GNAL: variants seen among roughly 807,000 people sequenced by gnomAD.
GNAL encodes the protein G protein subunit alpha L, also known as guanine nucleotide-binding protein G(olf) subunit alpha.
Under a neutral mutation model 55.1 loss-of-function variants are expected in GNAL, and 18 were observed. That is an observed-to-expected ratio of 0.33 (90% CI 0.23 to 0.48). The LOEUF is 0.48. GNAL is among the 20% of genes least tolerant of loss of function. GNAL has a pLI of 0.99. For missense variants in GNAL, 412 were observed against 614.1 expected, an observed-to-expected ratio of 0.67 and a Z score of 3.48; for synonymous variants, 253 against 237.0, an observed-to-expected ratio of 1.07 and a Z score of -0.62.
chr18:11,728,722 T>A (rs1381398757), intron 1 of GNAL, among the ~76,000 whole-genome samples: 1 of 152,218 alleles, frequency 6.6e-6, no homozygotes. Flanking sequence ...TTTTATTTTC[T>A]TACAGTGATG....
At chr18:11,806,502 C>T (rs1353840079) in intron 4 of GNAL, among the ~76,000 whole-genome samples, 1 of 152,146 alleles carries the variant, frequency 6.6e-6, no homozygotes, top group Non-Finnish European at 1.5e-5. Context: ...TGTAATCCAT[C>T]TTCAGTCGAT....
chr18:11,693,451 A>G (rs1412776747), intron 1 of GNAL, among the ~76,000 whole-genome samples: 6 of 152,216 alleles, frequency 3.9e-5, no homozygotes, highest in African/African-American at 1.4e-4. Flanking sequence ...ATACTGTTAC[A>G]TGAGGTTGAC....
chr18:11,845,785 GAGAA>G (rs965358796), intron 5 of GNAL, among the ~76,000 whole-genome samples: 4 of 148,956 alleles, frequency 2.7e-5, no homozygotes, highest in African/African-American at 9.8e-5. Context: ...GAGAGAGAGA[GAGAA>G]AGAGAGAGGG....
At chr18:11,750,881 G>A (rs919550998) in intron 1 of GNAL, among the ~76,000 whole-genome samples, 8 of 152,110 alleles carry the variant, frequency 5.3e-5, no homozygotes, top group Admixed American at 6.5e-5. Flanking sequence ...GAAACCAGCC[G>A]GTAGCAGGAG....
At chr18:11,851,442 A>G (rs551906243) in intron 5 of GNAL, 3 of 1,456,682 alleles carry the variant, frequency 2.1e-6, no homozygotes, top group East Asian at 4.9e-5. Flanking sequence ...CCGGGAGCGG[A>G]CTTACCTTAC....
chr18:11,881,636 C>T lies in GNAL; in HGVS notation c.*501C>T, dbSNP rs2036696509. 1 of 153,088 alleles carries T rather than the reference C, an allele frequency of 6.5e-6. No homozygotes were observed. Among genetic ancestry groups the T allele is most frequent in the African/African-American group, 2.4e-5 (1 of 41,456 alleles). The allele number at this position is 153,088 out of a possible 1,614,324, so 9.5% of individuals were successfully genotyped here. On this transcript the variant is annotated 3_prime_UTR_variant, in exon 12 of 12. Transcript: ENST00000334049. This position sits in a 1 kb window ranked among gnomAD's most constrained non-coding sequence, Gnocchi z 4.8. ...GAGTCGACCCCAAGCGACAGAGTGA[C>T]CAGAAACCCTTTTACAGTCACATTC...
At chr18:11,749,809 G>A (rs2143071200) in intron 1 of GNAL, among the ~76,000 whole-genome samples, 1 of 152,296 alleles carries the variant, frequency 6.6e-6, no homozygotes, top group East Asian at 1.9e-4. Flanking sequence ...AGAGTCCCCA[G>A]GTATTCCCAA....
chr18:11,876,838 AGC>A, intron 11 of GNAL, 150 bp downstream of exon 11: 2 of 646,272 alleles, frequency 3.1e-6, no homozygotes, highest in Non-Finnish European at 5.6e-6. Context: ...TTCACAGCTG[AGC>A]ACACCGAGGT....
At chr18:11,832,053 AAAC>A (rs1233018163) in intron 5 of GNAL, among the ~76,000 whole-genome samples, 1 of 152,250 alleles carries the variant, frequency 6.6e-6, no homozygotes, top group East Asian at 1.9e-4. Flanking sequence ...GAAAATTTAA[AAAC>A]AACCTCTACT....
chr18:11,805,485 A>C (rs1274411591), intron 4 of GNAL, among the ~76,000 whole-genome samples: 1 of 151,938 alleles, frequency 6.6e-6, no homozygotes, highest in Non-Finnish European at 1.5e-5. Flanking sequence ...CCATTAAGTA[A>C]TTTTTCATCA....
At chr18:11,764,328 A>G (rs1480617247) in intron 4 of GNAL, among the ~76,000 whole-genome samples, 1 of 151,952 alleles carries the variant, frequency 6.6e-6, no homozygotes, top group East Asian at 1.9e-4. Context: ...GCTGGTCTCA[A>G]ACTCCCAACC....
chr18:11,726,708 C>T (rs2032219725), intron 1 of GNAL, among the ~76,000 whole-genome samples: 2 of 152,286 alleles, frequency 1.3e-5, no homozygotes, highest in East Asian at 1.9e-4. Flanking sequence ...CCCTCCCATG[C>T]CTGAATCAAC....
At chr18:11,718,628 G>T (rs1471897738) in intron 1 of GNAL, among the ~76,000 whole-genome samples, 1 of 152,090 alleles carries the variant, frequency 6.6e-6, no homozygotes, top group Non-Finnish European at 1.5e-5. Flanking sequence ...TATCTACTTT[G>T]AAATAATGAT....
At chr18:11,872,536 C>T (rs1484358610) in intron 10 of GNAL, 138 bp downstream of exon 10, 2 of 604,610 alleles carry the variant, frequency 3.3e-6, no homozygotes, top group Non-Finnish European at 5.7e-6. Flanking sequence ...CTGCCCATAT[C>T]CTAAAGTATT....
chr18:11,842,354 T>C (rs1346837082), intron 5 of GNAL, among the ~76,000 whole-genome samples: 1 of 152,156 alleles, frequency 6.6e-6, no homozygotes, highest in African/African-American at 2.4e-5. Context: ...ACTGGTTTCG[T>C]GGAAAACTAT....
At chr18:11,721,150 G>C (rs896828470) in intron 1 of GNAL, among the ~76,000 whole-genome samples, 1 of 152,172 alleles carries the variant, frequency 6.6e-6, no homozygotes, top group African/African-American at 2.4e-5. Context: ...GCTAAGTCAG[G>C]ATACTCAGCT....
intron 4 of GNAL, among the ~76,000 whole-genome samples, chr18:11,767,792 C>T (rs1401389155): frequency 6.6e-6 from 1 of 152,244 alleles, no homozygotes; most frequent in Non-Finnish European, 1.5e-5. Flanking sequence ...CCAGGTCTTG[C>T]TCTTACCATC....
chr18:11,696,675 C>A (rs545381865), intron 1 of GNAL, among the ~76,000 whole-genome samples: 48 of 152,270 alleles, frequency 3.2e-4, no homozygotes, highest in Non-Finnish European at 6.5e-4. Context: ...AGCCTAATTT[C>A]ATCCCAGGGA....
At chr18:11,694,330 T>C (rs2143289102) in intron 1 of GNAL, among the ~76,000 whole-genome samples, 1 of 152,186 alleles carries the variant, frequency 6.6e-6, no homozygotes, top group East Asian at 1.9e-4. Context: ...CATAGGTGTC[T>C]TGGTGCTCTT....
Sources: gnomAD v4.1 joint callset for allele counts (sites outside exome capture counted in the v4.1 genomes callset) on GRCh38, gnomAD v4.1.1 for gene constraint, Gnocchi (gnomAD v3.1) non-coding constraint, MANE v1.5 for transcripts, NCBI Gene and HGNC (gene_info 2026-07-23, HGNC 2026-07-21) for gene names.